Variants in HLCS observed in about 807,000 individuals in gnomAD.
The protein encoded by HLCS is biotin--protein ligase.
In HLCS, 53 loss-of-function variants were observed where a neutral mutation model predicts 75.0. The ratio of observed to expected loss-of-function variants is 0.71; its 90% CI spans 0.57 to 0.89. The LOEUF (loss-of-function observed/expected upper bound fraction) is 0.89. Among genes scored for constraint, HLCS ranks in the 40% least tolerant of loss-of-function variants. The pLI is 0.00. For missense variants in HLCS, 966 were observed against 1,074.0 expected (o/e 0.90, Z 1.41); for synonymous variants, 431 against 428.6 (o/e 1.01, Z -0.07).
intron 6 of HLCS, among the ~76,000 whole-genome samples, chr21:36,862,821 C>T (rs1292647580): frequency 1.3e-5 from 2 of 152,140 alleles, no homozygotes; most frequent in Non-Finnish European, 2.9e-5. Flanking sequence ...GGCCTGGAGA[C>T]TCACCAAAAG....
At chr21:36,841,427 C>T (rs2062610564) in intron 6 of HLCS, among the ~76,000 whole-genome samples, 1 of 152,126 alleles carries the variant, frequency 6.6e-6, no homozygotes, top group African/African-American at 2.4e-5. Context: ...GAGTAAAATG[C>T]TATGGTCATG....
chr21:36,937,782 T>G (rs993997179), intron 3 of HLCS, among the ~76,000 whole-genome samples: 5 of 152,068 alleles, frequency 3.3e-5, no homozygotes, highest in African/African-American at 9.7e-5. Flanking sequence ...ATATCTAGAG[T>G]CTACCCCAGC....
At chr21:36,887,073 T>C (rs1317215240) in intron 6 of HLCS, among the ~76,000 whole-genome samples, 1 of 150,620 alleles carries the variant, frequency 6.6e-6, no homozygotes, top group Non-Finnish European at 1.5e-5. Context: ...GAGGTTGCAG[T>C]GAGCCAAGAT....
chr21:36,875,876 C>T (rs1023750980), intron 6 of HLCS, among the ~76,000 whole-genome samples: 1 of 152,206 alleles, frequency 6.6e-6, no homozygotes, highest in Non-Finnish European at 1.5e-5. Flanking sequence ...GACCTAGGGG[C>T]TCCCCAAGCC....
At chr21:36,790,609 T>G (rs2060832261) in intron 6 of HLCS, among the ~76,000 whole-genome samples, 1 of 152,216 alleles carries the variant, frequency 6.6e-6, no homozygotes, top group South Asian at 2.1e-4. Flanking sequence ...CCCATGATCT[T>G]ACGCTTCCGT....
intron 6 of HLCS, among the ~76,000 whole-genome samples, chr21:36,782,986 C>A (rs1016251541): frequency 1.3e-5 from 2 of 151,928 alleles, no homozygotes; most frequent in African/African-American, 2.4e-5. Context: ...CCGAAAAAAA[C>A]CAAAACCAAA....
intron 5 of HLCS, among the ~76,000 whole-genome samples, chr21:36,923,411 C>A (rs1236057618): frequency 6.6e-6 from 1 of 152,122 alleles, no homozygotes; most frequent in African/African-American, 2.4e-5. Context: ...GGAAAGAAAA[C>A]CACGCTTCTT....
At chr21:36,946,298 G>A (rs1052185856) in intron 2 of HLCS, 2 of 155,780 alleles carry the variant, frequency 1.3e-5, no homozygotes, top group African/African-American at 4.8e-5. Flanking sequence ...CCAGGCTGGA[G>A]TGGTGCAGTC....
chr21:36,768,564 C>G (rs2090123627), intron 6 of HLCS, among the ~76,000 whole-genome samples: 1 of 152,224 alleles, frequency 6.6e-6, no homozygotes, highest in Non-Finnish European at 1.5e-5. Context: ...GCCCAGAAGA[C>G]CCTTCACGTG....
At chr21:36,873,306 C>T (rs2063837793) in intron 6 of HLCS, among the ~76,000 whole-genome samples, 1 of 151,970 alleles carries the variant, frequency 6.6e-6, no homozygotes, top group African/African-American at 2.4e-5. Context: ...TTAGTAGAGA[C>T]AGGGTTTCAC....
rs2066885260 is a variant in HLCS, at chr21:36,936,491, A to G, written c.1395T>C (p.His465=). The G allele has an allele frequency of 1.4e-5, 22 of 1,614,136 alleles. No homozygotes were observed. Among genetic ancestry groups the G allele is most frequent in the Non-Finnish European group, 1.8e-5 (21 of 1,180,052 alleles). Residue 465 remains histidine, a synonymous_variant, in exon 4 of 11, where the codon CAT becomes CAC. Coordinates refer to ENST00000674895, the MANE Select transcript of HLCS (RefSeq NM_001352514.2). ...ENEDKDRMIV[H]VPFGTRGGEA... is the part of the protein sequence containing the mutation. ...CTCCCCCGCGAGTTCCAAAAGGCAC[A>G]TGCACAATCATCCTGTCCTTGTCCT... is the stretch of plus-strand genomic sequence containing the variant.
intron 6 of HLCS, among the ~76,000 whole-genome samples, chr21:36,847,482 T>C (rs779622945): frequency 3.3e-5 from 5 of 152,196 alleles, no homozygotes; most frequent in Non-Finnish European, 5.9e-5. Context: ...TTTACTATCC[T>C]ACGTTAGAGT....
chr21:36,825,907 G>T (rs943538232), intron 6 of HLCS, among the ~76,000 whole-genome samples: 2 of 152,234 alleles, frequency 1.3e-5, no homozygotes, highest in Non-Finnish European at 2.9e-5. Flanking sequence ...AGAGGGCAGG[G>T]GAGCCATAGA....
chr21:36,944,738 C>A (rs867691918), intron 2 of HLCS, among the ~76,000 whole-genome samples: 1 of 152,146 alleles, frequency 6.6e-6, no homozygotes, highest in African/African-American at 2.4e-5. Context: ...ACTTGAATGA[C>A]CTCGTCAAGC....
chr21:36,922,307 T>C (rs745967401), intron 5 of HLCS, among the ~76,000 whole-genome samples: 1 of 152,226 alleles, frequency 6.6e-6, no homozygotes, highest in Non-Finnish European at 1.5e-5. Context: ...TGCTTTGATA[T>C]ATGTGTATGT....
intron 5 of HLCS, among the ~76,000 whole-genome samples, chr21:36,897,595 C>T (rs572018988): frequency 1.3e-5 from 2 of 152,336 alleles, no homozygotes; most frequent in African/African-American, 2.4e-5. Flanking sequence ...CAAGAACACT[C>T]GGTCTCAGCC....
At chr21:36,843,863 C>G (rs1056732768) in intron 6 of HLCS, among the ~76,000 whole-genome samples, 5 of 151,986 alleles carry the variant, frequency 3.3e-5, no homozygotes, top group African/African-American at 1.2e-4. Flanking sequence ...AAAAAATTAC[C>G]TGGGTTTGGT....
At chr21:36,824,729 G>A (rs2061954577) in intron 6 of HLCS, among the ~76,000 whole-genome samples, 1 of 152,126 alleles carries the variant, frequency 6.6e-6, no homozygotes, top group African/African-American at 2.4e-5. Context: ...AGAACCAACA[G>A]GAAAAACTTG....
intron 6 of HLCS, among the ~76,000 whole-genome samples, chr21:36,895,872 T>C (rs964054497): frequency 2.0e-5 from 3 of 152,230 alleles, no homozygotes; most frequent in Admixed American, 6.5e-5. Flanking sequence ...ATTCCCTCCC[T>C]CTATAACCAA....
Sources: allele counts gnomAD v4.1 joint callset (sites outside exome capture counted in the v4.1 genomes callset), GRCh38; gene constraint gnomAD v4.1.1; transcripts MANE v1.5; gene names NCBI Gene and HGNC (gene_info 2026-07-23, HGNC 2026-07-21).